The following STXBP3 variants were observed in gnomAD, a reference collection of about 807,000 sequenced individuals.
The protein encoded by STXBP3 is syntaxin-binding protein 3.
In STXBP3, 41 loss-of-function variants were observed where a neutral mutation model predicts 85.7. The observed-to-expected ratio is 0.48, with a 90% confidence interval of 0.37 to 0.62. The LOEUF (loss-of-function observed/expected upper bound fraction) is 0.62. Among genes scored for constraint, STXBP3 ranks in the 20% least tolerant of loss-of-function variants. The pLI, the probability that STXBP3 is intolerant of heterozygous loss-of-function variation, is 0.00. For missense variants in STXBP3, 563 were observed against 703.1 expected, an observed-to-expected ratio of 0.80 and a Z score of 2.25; for synonymous variants, 229 against 231.7, an observed-to-expected ratio of 0.99 and a Z score of 0.10.
intron 5 of STXBP3, among the ~76,000 whole-genome samples, chr1:108,759,391 A>G (rs1193056750): frequency 6.6e-6 from 1 of 152,196 alleles, no homozygotes; most frequent in Non-Finnish European, 1.5e-5. Flanking sequence ...AACTTAAGGA[A>G]TCTTAAGGCT....
In STXBP3 at chr1:108,793,733, G is replaced by A. The variant is rs557327129; in HGVS notation, c.1029+86G>A. On this transcript the variant is annotated intron_variant, in intron 12 of 18. Coordinates refer to ENST00000370008, the MANE Select transcript of STXBP3 (RefSeq NM_007269.4). The stretch of plus-strand genomic sequence containing the variant: ...GTTCTGTAGTTCGATTTAGCAGTGG[G>A]TTTCGTGGAATACTTGGTGTTATTT... The A allele has an allele frequency of 7.5e-4, 863 of 1,150,412 alleles. 2 individuals carry two copies. The African/African-American group carries it at 0.012, about 17-fold the overall frequency. The allele number at this position is 1,150,412 out of a possible 1,614,324, so 71.3% of individuals were successfully genotyped here. A position where few individuals can be genotyped will look rare whatever the true frequency, so the allele number is the denominator to read the frequency against.
At chr1:108,804,310 T>G (rs1663286456) in intron 17 of STXBP3, among the ~76,000 whole-genome samples, 1 of 152,118 alleles carries the variant, frequency 6.6e-6, no homozygotes, top group Non-Finnish European at 1.5e-5. Context: ...TAAGCTGTTT[T>G]TTCTTTTTCT....
In STXBP3 at chr1:108,789,991, CA is replaced by C. The variant is rs35345273; in HGVS notation, c.964-3572del. On this transcript the variant is annotated intron_variant, in intron 11 of 18. Transcript: ENST00000370008. ...TGGGCAACAGAGTGAGACTCTGTCT[CA>C]AAAAAAAAAAAAAAAAAATTGATTT... Among the ~76,000 whole-genome samples, 1,202 of 121,202 alleles carry C rather than the reference CA, an allele frequency of 9.9e-3. 12 individuals are homozygous for C. The highest frequency in any genetic ancestry group is 0.031 in the African/African-American group (1,030 of 32,920). The allele number at this position is 121,202 out of a possible 152,430, so 79.5% of individuals were successfully genotyped here. A position where few individuals can be genotyped will look rare whatever the true frequency, so the allele number is the denominator to read the frequency against.
intron 6 of STXBP3, among the ~76,000 whole-genome samples, chr1:108,766,192 G>A (rs1767017): frequency 0.23 from 34,308 of 150,386 alleles, 4,152 homozygotes; most frequent in Non-Finnish European, 0.26. Context: ...AAATCTATTT[G>A]TTATGTACAC....
intron 13 of STXBP3, 44 bp downstream of exon 13, chr1:108,794,951 A>G (rs1376966706): frequency 6.6e-7 from 1 of 1,510,650 alleles, no homozygotes. Context: ...ACAAATTTCA[A>G]GGATAAACTT....
intron 8 of STXBP3, among the ~76,000 whole-genome samples, chr1:108,777,812 C>G (rs1490748110): frequency 6.6e-6 from 1 of 152,056 alleles, no homozygotes; most frequent in African/African-American, 2.4e-5. Context: ...GTGTTGCTTC[C>G]TCCCACATGC....
chr1:108,808,655 T>C (rs1663391502), intron 18 of STXBP3, 128 bp from the exon 19 acceptor site: 2 of 732,638 alleles, frequency 2.7e-6, no homozygotes, highest in Non-Finnish European at 4.8e-6. Flanking sequence ...GGAAGATGTC[T>C]TACAGAAATT....
chr1:108,760,131 G>A (rs1662106223), intron 6 of STXBP3, 46 bp downstream of exon 6: 2 of 1,169,682 alleles, frequency 1.7e-6, no homozygotes, highest in African/African-American at 3.2e-5. Context: ...TTTCAAATTT[G>A]GTTTTATGGC....
At chr1:108,749,064 G>A (rs1485555339) in intron 1 of STXBP3, among the ~76,000 whole-genome samples, 1 of 152,162 alleles carries the variant, frequency 6.6e-6, no homozygotes, top group African/African-American at 2.4e-5. Context: ...AATAGCAAAG[G>A]TGTTGGAGGT....
At chr1:108,770,210 G>A (rs1211050294) in intron 6 of STXBP3, among the ~76,000 whole-genome samples, 2 of 152,016 alleles carry the variant, frequency 1.3e-5, no homozygotes, top group African/African-American at 2.4e-5. Context: ...ATTGAGGATC[G>A]CTTGAGCCCA....
chr1:108,780,750 C>T (rs982710698), intron 9 of STXBP3: 4 of 146,244 alleles, frequency 2.7e-5, no homozygotes, highest in Non-Finnish European at 4.5e-5. Flanking sequence ...ATGTTGGTGC[C>T]TTCTTTAAAT....
intron 6 of STXBP3, among the ~76,000 whole-genome samples, chr1:108,767,999 A>G (rs1038040875): frequency 1.3e-5 from 2 of 152,140 alleles, no homozygotes; most frequent in African/African-American, 4.8e-5. Context: ...AGTGCATGGG[A>G]AACTGAGAAA....
intron 5 of STXBP3, chr1:108,759,065 A>T (rs112247040): frequency 6.6e-6 from 1 of 152,236 alleles, no homozygotes. Flanking sequence ...TTACTCTGCC[A>T]TATGATCACA....
chr1:108,748,095 A>G (rs537107862), intron 1 of STXBP3, among the ~76,000 whole-genome samples: 1 of 151,158 alleles, frequency 6.6e-6, no homozygotes, highest in African/African-American at 2.4e-5. Flanking sequence ...TGTTTTTATT[A>G]TCTGTCATTC....
At chr1:108,772,176 ATC>A (rs1662466337) in intron 6 of STXBP3, among the ~76,000 whole-genome samples, 1 of 128,258 alleles carries the variant, frequency 7.8e-6, no homozygotes, top group Non-Finnish European at 1.6e-5. Flanking sequence ...TATGATATCT[ATC>A]TATATATCAT....
At chr1:108,797,141 G>C (rs577498329) in intron 15 of STXBP3, among the ~76,000 whole-genome samples, 2 of 152,002 alleles carry the variant, frequency 1.3e-5, no homozygotes, top group East Asian at 3.9e-4. Context: ...GATTTCTTGA[G>C]CCCAGGAGTT....
chr1:108,779,008 A>G (rs185559509), intron 8 of STXBP3, among the ~76,000 whole-genome samples: 11 of 152,282 alleles, frequency 7.2e-5, no homozygotes, highest in South Asian at 2.1e-4. Context: ...TTCAAACCCA[A>G]GTTATTAAAT....
rs750909102 is a variant in STXBP3, at chr1:108,779,423, T to G, written c.809+13T>G. ...ATGATACATACAAGCAAGTATAACT[T>G]GAAGGGCATATAAAGGGCATATACA... On this transcript the variant is annotated intron_variant, in intron 9 of 18. Transcript: ENST00000370008. 3 of 1,606,668 alleles carry G rather than the reference T, an allele frequency of 1.9e-6. No individual in the cohort carries two copies. The highest frequency in any genetic ancestry group is 2.7e-5 in the African/African-American group (2 of 74,900).
At chr1:108,750,041 G>C (rs979386534) in intron 1 of STXBP3, among the ~76,000 whole-genome samples, 1 of 151,954 alleles carries the variant, frequency 6.6e-6, no homozygotes, top group African/African-American at 2.4e-5. Flanking sequence ...AGCCAGATAT[G>C]GCTGGTTTCC....
Sources: gnomAD v4.1 joint callset for allele counts (sites outside exome capture counted in the v4.1 genomes callset) on GRCh38, gnomAD v4.1.1 for gene constraint, MANE v1.5 for transcripts, NCBI Gene and HGNC (gene_info 2026-07-23, HGNC 2026-07-21) for gene names.